The following PPP3CA variants were observed in gnomAD, a reference collection of about 807,000 sequenced individuals.
The protein encoded by PPP3CA is protein phosphatase 3 catalytic subunit alpha.
A neutral mutation model predicts 66.5 loss-of-function variants in PPP3CA; 14 were observed. The ratio of observed to expected loss-of-function variants is 0.21; its 90% CI spans 0.14 to 0.33. The LOEUF is 0.33. PPP3CA is among the 10% of genes least tolerant of loss of function. The probability of loss-of-function intolerance (pLI) is 1.00; values close to 1 mark genes in which losing one functional copy is unlikely to be tolerated. For synonymous variants in PPP3CA, 232 were observed against 226.2 expected (o/e 1.03, Z -0.23); for missense variants, 317 against 639.5 (o/e 0.50, Z 5.44).
intron 2 of PPP3CA, among the ~76,000 whole-genome samples, chr4:101,185,078 C>A (rs1183583886): frequency 1.3e-5 from 2 of 151,782 alleles, no homozygotes; most frequent in African/African-American, 4.8e-5. Flanking sequence ...TGGTCCTATG[C>A]TAAAGTCAGT....
chr4:101,042,911 T>G (rs1727593706), intron 10 of PPP3CA, among the ~76,000 whole-genome samples: 1 of 151,878 alleles, frequency 6.6e-6, no homozygotes, highest in Non-Finnish European at 1.5e-5. Context: ...ATGCTTTCAG[T>G]CTAACATTGT....
chr4:101,247,514 T>C (rs1168480446), intron 1 of PPP3CA, among the ~76,000 whole-genome samples: 1 of 152,132 alleles, frequency 6.6e-6, no homozygotes, highest in Non-Finnish European at 1.5e-5. Flanking sequence ...CCTTCCTATG[T>C]CCCATTATAC....
chr4:101,300,795 G>C (rs1284920476), intron 1 of PPP3CA, among the ~76,000 whole-genome samples: 1 of 151,992 alleles, frequency 6.6e-6, no homozygotes, highest in Non-Finnish European at 1.5e-5. Flanking sequence ...ACTCTGCCAC[G>C]TAATATTTCA....
intron 1 of PPP3CA, among the ~76,000 whole-genome samples, chr4:101,206,190 T>C (rs1053601577): frequency 6.6e-6 from 1 of 152,242 alleles, no homozygotes; most frequent in African/African-American, 2.4e-5. Context: ...CACAGAATCA[T>C]GCAGGAAGTT....
At chr4:101,319,359 C>T (rs967738953) in intron 1 of PPP3CA, among the ~76,000 whole-genome samples, 1 of 152,006 alleles carries the variant, frequency 6.6e-6, no homozygotes, top group African/African-American at 2.4e-5. Context: ...GGAAAGGCTA[C>T]AAATTAGTGG....
intron 1 of PPP3CA, among the ~76,000 whole-genome samples, chr4:101,228,898 C>T (rs924218600): frequency 1.8e-4 from 27 of 151,624 alleles, no homozygotes; most frequent in African/African-American, 6.5e-4. Context: ...TTGGTGCTGT[C>T]CCAGTAGATA....
chr4:101,340,266 G>A (rs1305136009), intron 1 of PPP3CA, among the ~76,000 whole-genome samples: 1 of 152,108 alleles, frequency 6.6e-6, no homozygotes. Flanking sequence ...TAGAGTCATA[G>A]TATATTTTGC....
chr4:101,091,368 C>T (rs1394463940), intron 6 of PPP3CA, among the ~76,000 whole-genome samples: 4 of 152,068 alleles, frequency 2.6e-5, no homozygotes, highest in Non-Finnish European at 4.4e-5. Flanking sequence ...AAATTTTAGC[C>T]TTTTCAGAAA....
intron 2 of PPP3CA, among the ~76,000 whole-genome samples, chr4:101,124,757 A>G (rs1448822644): frequency 1.6e-5 from 2 of 126,692 alleles, no homozygotes; most frequent in African/African-American, 3.4e-5. Context: ...GAAAGAAAGA[A>G]AGAAAGAAAG....
intron 1 of PPP3CA, among the ~76,000 whole-genome samples, chr4:101,312,144 C>T (rs927764618): frequency 1.3e-5 from 2 of 152,068 alleles, no homozygotes; most frequent in Non-Finnish European, 2.9e-5. Context: ...AAAGAGATTA[C>T]ATATACTTTT....
chr4:101,168,373 A>C (rs1187410271), intron 2 of PPP3CA, among the ~76,000 whole-genome samples: 1 of 152,212 alleles, frequency 6.6e-6, no homozygotes, highest in East Asian at 1.9e-4. Flanking sequence ...CAAATGGAGA[A>C]AAGTAGATAA....
intron 1 of PPP3CA, among the ~76,000 whole-genome samples, chr4:101,324,155 AGG>A (rs1729132623): frequency 7.2e-5 from 1 of 13,928 alleles, no homozygotes; most frequent in Non-Finnish European, 2.0e-4. Context: ...GAAGGGAGGG[AGG>A]AAGGAAGGAA....
chr4:101,338,942 T>G (rs1239785790), intron 1 of PPP3CA, among the ~76,000 whole-genome samples: 1 of 152,268 alleles, frequency 6.6e-6, no homozygotes, highest in Non-Finnish European at 1.5e-5. Flanking sequence ...TATCTTGCTT[T>G]TAATTTAACT....
rs571767382 is a variant in PPP3CA at position 101,141,906 on chromosome 4, T to C, written c.260-32828A>G. ...GGTGATACAAAGGCTGAACTTACAC[T>C]TATAACACAAAGTGGTAAATATAAT... On this transcript the variant is annotated intron_variant, in intron 2 of 13. Coordinates refer to ENST00000394854, the MANE Select transcript of PPP3CA (RefSeq NM_000944.5). 2.0e-5 allele frequency among the ~76,000 whole-genome samples: 3 copies of C among 152,292 alleles called. No individual in the cohort carries two copies. In the South Asian group the frequency reaches 6.2e-4, roughly 32 times the overall value.
At chr4:101,346,699 G>T (rs1441351693) in intron 1 of PPP3CA, 40 bp downstream of exon 1, 2 of 1,578,894 alleles carry the variant, frequency 1.3e-6, no homozygotes, top group African/African-American at 1.4e-5. Flanking sequence ...TGGCGCCTGC[G>T]GCACACGGTG....
chr4:101,213,826 T>C (rs780648564), intron 1 of PPP3CA, among the ~76,000 whole-genome samples: 5 of 152,170 alleles, frequency 3.3e-5, no homozygotes, highest in Non-Finnish European at 5.9e-5. Flanking sequence ...AAGCTCGCTA[T>C]ATTAATCTGA....
rs1450554355 is a variant in PPP3CA, at chr4:101,347,174, G to A, written c.-378C>T. 7 of 375,626 alleles carry A rather than the reference G, an allele frequency of 1.9e-5. No individual in the cohort carries two copies. Among genetic ancestry groups the A allele is most frequent in the Non-Finnish European group, 2.9e-5 (6 of 203,838 alleles). The allele number at this position is 375,626 out of a possible 1,614,324, so 23.3% of individuals were successfully genotyped here. A position where few individuals can be genotyped will look rare whatever the true frequency, so the allele number is the denominator to read the frequency against. ...CACCCCGGCACGGAGACCCAGCACC[G>A]CGGAATGGAGCCCCACGCGCGCACA... On this transcript the variant is annotated 5_prime_UTR_variant, in exon 1 of 14. Coordinates refer to ENST00000394854, the MANE Select transcript of PPP3CA (RefSeq NM_000944.5).
At chr4:101,299,106 GTTTTTTTTTTTTT>G (rs556244769) in intron 1 of PPP3CA, among the ~76,000 whole-genome samples, 1 of 85,554 alleles carries the variant, frequency 1.2e-5, no homozygotes, top group Non-Finnish European at 2.2e-5. Context: ...GCCATATATC[GTTTTTTTTTTTTT>G]TTTTTTTTTT....
chr4:101,030,036 A>G (rs1053425155), intron 12 of PPP3CA, among the ~76,000 whole-genome samples: 6 of 152,100 alleles, frequency 3.9e-5, no homozygotes, highest in African/African-American at 1.4e-4. Flanking sequence ...TACTGAATAT[A>G]CAGAAACAGC....
Sources: gnomAD v4.1 joint callset for allele counts (sites outside exome capture counted in the v4.1 genomes callset) on GRCh38, gnomAD v4.1.1 for gene constraint, MANE v1.5 for transcripts, NCBI Gene and HGNC (gene_info 2026-07-23, HGNC 2026-07-21) for gene names.